The following NEO1 variants were observed in gnomAD, a reference collection of about 807,000 sequenced individuals.
The protein encoded by NEO1 is neogenin.
A neutral mutation model predicts 159.7 loss-of-function variants in NEO1; 63 were observed. That is an observed-to-expected ratio of 0.39 (90% CI 0.32 to 0.49). The LOEUF (loss-of-function observed/expected upper bound fraction) is 0.49. NEO1 is among the 20% of genes least tolerant of loss of function. NEO1 has a pLI of 0.85. For missense variants in NEO1, 1,615 were observed against 1,831.0 expected (o/e 0.88, Z 2.15); for synonymous variants, 633 against 662.0 (o/e 0.96, Z 0.67).
intron 5 of NEO1, among the ~76,000 whole-genome samples, chr15:73,167,059 G>C (rs550672214): frequency 7.3e-5 from 11 of 149,710 alleles, no homozygotes; most frequent in Non-Finnish European, 8.9e-5. Flanking sequence ...CTCACTCATA[G>C]GTGGGAATTG....
intron 1 of NEO1, among the ~76,000 whole-genome samples, chr15:73,070,625 C>A (rs541013107): frequency 1.3e-5 from 2 of 152,284 alleles, no homozygotes; most frequent in South Asian, 4.1e-4. Context: ...TAGTATACGC[C>A]TTGAAACCAT....
At position 73,270,395 on chromosome 15, in the gene NEO1, C is replaced by T; in HGVS notation, c.2798C>T (p.Thr933Ile). 1 of 1,614,048 alleles carries T rather than the reference C, an allele frequency of 6.2e-7. No individual in the cohort carries two copies. The highest frequency in any genetic ancestry group is 8.5e-7 in the Non-Finnish European group (1 of 1,180,004). ...CTCTATGAATTCTCTGTGATGGTGA[C>T]CAAAGGTCGAAGATCAAGTACATGG... is the stretch of plus-strand genomic sequence containing the variant. ...NTLYEFSVMV[T>I]KGRRSSTWSM... Residue 933 changes from threonine to isoleucine, a missense_variant, in exon 18 of 29, where the codon ACC becomes ATC. This residue lies in a region of NEO1 where 126 missense variants were observed against 216.7 expected (regional missense o/e 0.58). Transcript: ENST00000261908.
intron 13 of NEO1, among the ~76,000 whole-genome samples, chr15:73,258,205 A>G (rs935021095): frequency 1.3e-5 from 2 of 152,180 alleles, no homozygotes; most frequent in African/African-American, 4.8e-5. Context: ...GTCATTTTCC[A>G]CTTTTACTTA....
intron 7 of NEO1, among the ~76,000 whole-genome samples, chr15:73,203,900 A>G (rs1381429557): frequency 2.6e-5 from 4 of 152,022 alleles, no homozygotes; most frequent in Admixed American, 6.6e-5. Flanking sequence ...ATTTTATTTT[A>G]CCTTTGCTTT....
chr15:73,155,793 A>T (rs2033729058), intron 5 of NEO1, among the ~76,000 whole-genome samples: 1 of 152,208 alleles, frequency 6.6e-6, no homozygotes, highest in African/African-American at 2.4e-5. Flanking sequence ...TGAATTGTTC[A>T]GTTCTAGAAT....
intron 7 of NEO1, among the ~76,000 whole-genome samples, chr15:73,211,612 G>C (rs888484159): frequency 6.6e-6 from 1 of 152,166 alleles, no homozygotes; most frequent in Non-Finnish European, 1.5e-5. Flanking sequence ...CTACTCGGGA[G>C]GCTGAGGCAG....
intron 15 of NEO1, among the ~76,000 whole-genome samples, chr15:73,265,081 C>T (rs1021735528): frequency 6.6e-6 from 1 of 152,000 alleles, no homozygotes; most frequent in Admixed American, 6.6e-5. Flanking sequence ...CAGCTGCAAG[C>T]GAGAAGGCCC....
At chr15:73,280,024 G>A (rs1034920056) in intron 22 of NEO1, among the ~76,000 whole-genome samples, 1 of 152,180 alleles carries the variant, frequency 6.6e-6, no homozygotes, top group Non-Finnish European at 1.5e-5. Flanking sequence ...TGACACCACT[G>A]GTACACTATG....
intron 5 of NEO1, among the ~76,000 whole-genome samples, chr15:73,163,302 ATTT>A (rs982012402): frequency 4.6e-5 from 7 of 152,164 alleles, no homozygotes; most frequent in Admixed American, 4.6e-4. Flanking sequence ...TTTAAAAATT[ATTT>A]AAGTAATGCA....
At chr15:73,165,027 C>G (rs2034473689) in intron 5 of NEO1, among the ~76,000 whole-genome samples, 1 of 151,486 alleles carries the variant, frequency 6.6e-6, no homozygotes, top group Non-Finnish European at 1.5e-5. Context: ...CTCCTGGGCT[C>G]AAGCAGTCTC....
At chr15:73,192,487 A>G (rs906863400) in intron 7 of NEO1, among the ~76,000 whole-genome samples, 1 of 151,972 alleles carries the variant, frequency 6.6e-6, no homozygotes, top group African/African-American at 2.4e-5. Context: ...ATAATTTAAA[A>G]TTCACACACC....
intron 5 of NEO1, among the ~76,000 whole-genome samples, chr15:73,171,035 G>C (rs1362543975): frequency 1.3e-5 from 2 of 151,674 alleles, no homozygotes; most frequent in African/African-American, 4.8e-5. Flanking sequence ...CTCCAATCAG[G>C]GTTCTACATT....
At chr15:73,121,231 C>T (rs1041723269) in intron 2 of NEO1, among the ~76,000 whole-genome samples, 1 of 152,200 alleles carries the variant, frequency 6.6e-6, no homozygotes, top group African/African-American at 2.4e-5. Context: ...TCCTCCCACA[C>T]ATACTCTTAT....
rs751011942 is a variant in NEO1, at chr15:73,278,169, C to A, written c.3232C>A (p.Leu1078Ile). ...AGGGAAAGGAAGCCGGCTGCCAGAC[C>A]TAGGATCCGACTACAAACCTCCAAT... ...SGGKGSRLPD[L>I]GSDYKPPMSG... The change falls in exon 22 of 29, where the codon CTA (leucine) becomes ATA (isoleucine). Residue 1078 changes from leucine (L) to isoleucine (I), a missense_variant. Around this residue, in one of 3 missense-constraint regions of NEO1, gnomAD observed 471 missense variants for 498.9 expected, o/e 0.94. Transcript: ENST00000261908. The A allele has an allele frequency of 3.1e-6, 5 of 1,613,126 alleles. No individual in the cohort carries two copies. The highest frequency in any genetic ancestry group is 4.2e-6 in the Non-Finnish European group (5 of 1,179,340).
At chr15:73,060,280 C>T (rs1373571697) in intron 1 of NEO1, among the ~76,000 whole-genome samples, 1 of 151,866 alleles carries the variant, frequency 6.6e-6, no homozygotes, top group African/African-American at 2.4e-5. Context: ...TTTGTTTTTT[C>T]TGAGACTGAG....
chr15:73,118,061 T>G (rs2071422917), intron 2 of NEO1, among the ~76,000 whole-genome samples: 2 of 152,204 alleles, frequency 1.3e-5, no homozygotes, highest in Non-Finnish European at 2.9e-5. Context: ...TGTTTATAAT[T>G]TAAGTTCTTA....
intron 20 of NEO1, 88 bp from the exon 21 acceptor site, chr15:73,274,604 T>A: frequency 7.3e-7 from 1 of 1,375,412 alleles, no homozygotes; most frequent in Non-Finnish European, 1.0e-6. Flanking sequence ...GGTTTTAGTT[T>A]TTTTCCTTTA....
In NEO1 at chr15:73,270,370, C is replaced by T; in HGVS notation, c.2773C>T (p.Leu925Phe). Residue 925 changes from leucine (L) to phenylalanine (F), a missense_variant, in exon 18 of 29, where the codon CTC (leucine) becomes TTC (phenylalanine). Transcript: ENST00000261908. Reference protein sequence around the residue: ...YLVTGLKPNTLYEFSVMVTKG... With the variant: ...YLVTGLKPNTFYEFSVMVTKG... ...GGTGACTGGTTTAAAGCCGAATACA[C>T]TCTATGAATTCTCTGTGATGGTGAC... 1.2e-6 allele frequency: 2 copies of T among 1,614,142 alleles called. No individual in the cohort carries two copies. The highest frequency in any genetic ancestry group is 2.2e-5 in the East Asian group (1 of 44,882).
At chr15:73,179,842 T>C (rs1327048662) in intron 7 of NEO1, among the ~76,000 whole-genome samples, 1 of 148,010 alleles carries the variant, frequency 6.8e-6, no homozygotes, top group Non-Finnish European at 1.5e-5. Context: ...TGCATCAATA[T>C]TGTTTCTTAT....
Sources: gnomAD v4.1 joint callset for allele counts (sites outside exome capture counted in the v4.1 genomes callset) on GRCh38, gnomAD v4.1.1 for gene constraint, gnomAD v4.1.1 regional missense constraint, MANE v1.5 for transcripts, NCBI Gene and HGNC (gene_info 2026-07-23, HGNC 2026-07-21) for gene names.